The following TDRD12 variants were observed in gnomAD, a reference collection of about 807,000 sequenced individuals.
TDRD12 encodes putative ATP-dependent RNA helicase TDRD12.
Under a neutral mutation model 133.5 loss-of-function variants are expected in TDRD12, and 158 were observed. The ratio of observed to expected loss-of-function variants is 1.18; its 90% CI spans 1.04 to 1.35. TDRD12 has a LOEUF of 1.35. Ranked by LOEUF, TDRD12 falls within the 40% of genes most tolerant of loss-of-function variation. TDRD12 has a pLI of 0.00. For synonymous variants in TDRD12, 460 were observed against 477.9 expected (o/e 0.96, Z 0.49); for missense variants, 1,443 against 1,321.3 (o/e 1.09, Z -1.43).
At chr19:32,821,055 G>C in exon 28 of TDRD12, 1 of 1,535,930 alleles carries the variant, frequency 6.5e-7, no homozygotes, top group Non-Finnish European at 8.7e-7. Context: ...AGAAGATGCT[G>C]CTTGCCTGCA....
chr19:32,737,103 T>C (rs1213451478), intron 2 of TDRD12, among the ~76,000 whole-genome samples: 1 of 152,156 alleles, frequency 6.6e-6, no homozygotes, highest in Non-Finnish European at 1.5e-5. Flanking sequence ...ATACTGCACA[T>C]TATGTAAAAA....
At chr19:32,772,771 A>C in exon 9 of TDRD12, 1 of 1,515,090 alleles carries the variant, frequency 6.6e-7, no homozygotes, top group Non-Finnish European at 8.8e-7. Context: ...GTAAAATGTA[A>C]TATGGATTCA....
At chr19:32,732,259 AT>A (rs1351181591) in intron 2 of TDRD12, among the ~76,000 whole-genome samples, 2 of 152,132 alleles carry the variant, frequency 1.3e-5, no homozygotes, top group Non-Finnish European at 2.9e-5. Context: ...CCCGCCTCAG[AT>A]TCCCAAAGTG....
intron 8 of TDRD12, among the ~76,000 whole-genome samples, chr19:32,770,511 C>T (rs1252302471): frequency 6.6e-6 from 1 of 152,084 alleles, no homozygotes; most frequent in East Asian, 1.9e-4. Context: ...ACATCAAGAA[C>T]GTCACATTTT....
intron 14 of TDRD12, among the ~76,000 whole-genome samples, chr19:32,795,860 G>A (rs1243982143): frequency 6.6e-6 from 1 of 152,098 alleles, no homozygotes; most frequent in Non-Finnish European, 1.5e-5. Context: ...CAGGAGCAGG[G>A]GAGGTGCCAC....
At chr19:32,790,989 C>A (rs1246181381) in exon 13 of TDRD12, 1 of 1,535,980 alleles carries the variant, frequency 6.5e-7, no homozygotes, top group Non-Finnish European at 8.7e-7. Context: ...GGCCTGCAGC[C>A]GCCCGTGGTA....
At chr19:32,810,242 A>G (rs764892848) in exon 23 of TDRD12, 1 of 1,526,196 alleles carries the variant, frequency 6.6e-7, no homozygotes, top group South Asian at 1.2e-5. Flanking sequence ...AGAAGTTTGG[A>G]TTGTATGGAT....
chr19:32,770,947 G>A (rs556410154), intron 8 of TDRD12, among the ~76,000 whole-genome samples: 16 of 152,236 alleles, frequency 1.1e-4, no homozygotes, highest in African/African-American at 3.6e-4. Context: ...TAAGTAGGGA[G>A]GTGTCTTTGT....
At chr19:32,794,579 G>T in intron 13 of TDRD12, 49 bp from the exon 14 acceptor site, 2 of 685,674 alleles carry the variant, frequency 2.9e-6, no homozygotes, top group Non-Finnish European at 5.3e-6. Flanking sequence ...TGGAGTTTTT[G>T]TTAGTTTTCT....
At chr19:32,777,288 A>C in intron 11 of TDRD12, 59 bp downstream of exon 11, 3 of 1,079,782 alleles carry the variant, frequency 2.8e-6, no homozygotes, top group Non-Finnish European at 4.0e-6. Context: ...AAAATTATAA[A>C]CAAGAGAAAT....
chr19:32,773,573 C>T, intron 10 of TDRD12, 41 bp downstream of exon 10: 1 of 1,530,304 alleles, frequency 6.5e-7, no homozygotes, highest in Admixed American at 2.0e-5. Flanking sequence ...TGGCGCCTGC[C>T]TGTAGTCCCA....
At position 32,803,649 on chromosome 19, in the gene TDRD12, G is replaced by A. The variant is rs185908257; in HGVS notation, c.2552+507G>A. On this transcript the variant is annotated intron_variant, in intron 21 of 27. Transcript: ENST00000444215. ...CAGAGGGCAAGTGGCAGGTCATGGG[G>A]TAGGCATGCGTTTAACTCTTCCAAA... Among the ~76,000 whole-genome samples the A allele has an allele frequency of 1.0e-3, 154 of 152,252 alleles. 2 individuals are homozygous for A. Among genetic ancestry groups the A allele is most frequent in the African/African-American group, 3.7e-3 (154 of 41,556 alleles).
intron 8 of TDRD12, among the ~76,000 whole-genome samples, chr19:32,757,818 A>C (rs994183754): frequency 3.3e-5 from 5 of 152,244 alleles, no homozygotes; most frequent in Non-Finnish European, 1.5e-5. Context: ...ACTTACTGAT[A>C]CCTGTGGGTG....
At chr19:32,802,012 C>A in intron 19 of TDRD12, 139 bp downstream of exon 19, 2 of 428,300 alleles carry the variant, frequency 4.7e-6, no homozygotes, top group South Asian at 5.1e-5. Context: ...ATGTTAATTT[C>A]AAAATGAAAA....
At chr19:32,802,625 C>G (rs755798234) in intron 19 of TDRD12, 31 bp from the exon 20 acceptor site, 1 of 1,532,804 alleles carries the variant, frequency 6.5e-7, no homozygotes, top group Admixed American at 2.0e-5. Context: ...AACTCCAGCG[C>G]GTGTGACATT....
chr19:32,828,123 C>T (rs754616486), exon 10 of TDRD12: 1 of 152,162 alleles, frequency 6.6e-6, no homozygotes, highest in Admixed American at 6.5e-5. Context: ...ATAGTGATAG[C>T]TCCTCAGAGT....
At chr19:32,743,754 C>T (rs796588728) in intron 4 of TDRD12, among the ~76,000 whole-genome samples, 132 of 152,146 alleles carry the variant, frequency 8.7e-4, no homozygotes, top group African/African-American at 3.0e-3. Flanking sequence ...TGAGGCCAGG[C>T]GCGGTGGCTT....
At chr19:32,802,613 G>C in intron 19 of TDRD12, 43 bp from the exon 20 acceptor site, 4 of 1,521,652 alleles carry the variant, frequency 2.6e-6, no homozygotes, top group Non-Finnish European at 3.5e-6. Context: ...AGTAAGTGCG[G>C]TAACTCCAGC....
intron 8 of TDRD12, among the ~76,000 whole-genome samples, chr19:32,758,620 C>A (rs550167788): frequency 6.6e-6 from 1 of 152,236 alleles, no homozygotes; most frequent in South Asian, 2.1e-4. Flanking sequence ...AACCTGTCAT[C>A]TCACTAACTG....
Sources: gnomAD v4.1 joint callset for allele counts (sites outside exome capture counted in the v4.1 genomes callset) on GRCh38, gnomAD v4.1.1 for gene constraint, MANE v1.5 for transcripts, NCBI Gene and HGNC (gene_info 2026-07-23, HGNC 2026-07-21) for gene names.